RECK: variants seen among roughly 807,000 people sequenced by gnomAD.
RECK encodes the protein reversion inducing cysteine rich protein with kazal motifs.
In RECK, 69 loss-of-function variants were observed where a neutral mutation model predicts 115.1. The observed-to-expected ratio is 0.60, with a 90% confidence interval of 0.49 to 0.73. The LOEUF (loss-of-function observed/expected upper bound fraction) is 0.73. Among genes scored for constraint, RECK ranks in the 30% least tolerant of loss-of-function variants. The pLI, the probability that RECK is intolerant of heterozygous loss-of-function variation, is 0.00. For missense variants in RECK, 1,047 were observed against 1,203.7 expected, an observed-to-expected ratio of 0.87 and a Z score of 1.93; for synonymous variants, 414 against 419.7, an observed-to-expected ratio of 0.99 and a Z score of 0.17.
intron 12 of RECK, 103 bp downstream of exon 12, chr9:36,102,333 A>G (rs1005214522): frequency 2.1e-6 from 2 of 951,700 alleles, no homozygotes; most frequent in African/African-American, 1.7e-5. Flanking sequence ...TGTTGAGAAC[A>G]TGGGATTCAA....
At chr9:36,109,029 C>A (rs1823929996) in intron 14 of RECK, among the ~76,000 whole-genome samples, 1 of 151,936 alleles carries the variant, frequency 6.6e-6, no homozygotes, top group South Asian at 2.1e-4. Flanking sequence ...GTGCTCTTGG[C>A]TAAAATTAGC....
intron 6 of RECK, among the ~76,000 whole-genome samples, chr9:36,077,792 T>G (rs1014289888): frequency 2.0e-5 from 3 of 152,192 alleles, no homozygotes; most frequent in Admixed American, 6.5e-5. Flanking sequence ...GCCGTTTTCC[T>G]TTTTCTTCAG....
intron 1 of RECK, among the ~76,000 whole-genome samples, chr9:36,047,758 T>A: frequency 6.8e-6 from 1 of 147,524 alleles, no homozygotes; most frequent in African/African-American, 2.5e-5. Context: ...ACCAAATGTT[T>A]AGAACTTCAA....
intron 6 of RECK, among the ~76,000 whole-genome samples, chr9:36,069,745 A>G (rs958818718): frequency 1.3e-5 from 2 of 152,172 alleles, no homozygotes; most frequent in African/African-American, 4.8e-5. Flanking sequence ...AAAAATAAAT[A>G]GGATGGGCAG....
chr9:36,071,064 A>G (rs990366210), intron 6 of RECK, among the ~76,000 whole-genome samples: 18 of 152,120 alleles, frequency 1.2e-4, no homozygotes, highest in African/African-American at 4.1e-4. Flanking sequence ...CATAGGCACC[A>G]ACAGTCAGAA....
rs562834311 is a variant in RECK, at chr9:36,104,297, T to C, written c.1436-846T>C. Reference sequence around the variant, plus strand: ...TAGCATGTGTGTGTGTGTGTGTATATATATATATATATATATATATATATA... The same window carrying C: ...TAGCATGTGTGTGTGTGTGTGTATACATATATATATATATATATATATATA... On this transcript the variant is annotated intron_variant, in intron 12 of 20. Transcript: ENST00000377966. 3.8e-3 allele frequency among the ~76,000 whole-genome samples: 215 copies of C among 56,040 alleles called. 3 individuals are homozygous for C. The highest frequency in any genetic ancestry group is 0.021 in the African/African-American group (194 of 9,100). The allele number at this position is 56,040 out of a possible 152,430, so 36.8% of individuals were successfully genotyped here.
At chr9:36,111,490 A>G (rs978381582) in intron 15 of RECK, among the ~76,000 whole-genome samples, 9 of 152,162 alleles carry the variant, frequency 5.9e-5, no homozygotes, top group Non-Finnish European at 1.3e-4. Flanking sequence ...GCCTCCTGGG[A>G]TCAAGCAATT....
In RECK at chr9:36,110,067, C is replaced by T. The variant is rs149420244; in HGVS notation, c.1876C>T (p.Arg626Cys). The T allele has an allele frequency of 1.2e-5, 19 of 1,606,228 alleles. No individual in the cohort carries two copies. Among genetic ancestry groups the T allele is most frequent in the Admixed American group, 3.3e-5 (2 of 59,884 alleles). The change falls in exon 15 of 21, where the codon CGT (arginine) becomes TGT (cysteine). Residue 626 changes from arginine (R) to cysteine (C), a missense_variant. By Grantham distance (180) the Arg-to-Cys change is radical. Coordinates refer to ENST00000377966, the MANE Select transcript of RECK (RefSeq NM_021111.3). ...LSEHSSEDDR[R>C]TFTGLPCNCA... ...TGAGCACAGTTCAGAAGATGACCGT[C>T]GTACCTTCACAGGTGACTGTGATCG...
intron 14 of RECK, among the ~76,000 whole-genome samples, chr9:36,109,194 C>T (rs553183662): frequency 6.6e-6 from 1 of 152,228 alleles, no homozygotes; most frequent in Admixed American, 6.5e-5. Context: ...CTATTCTGTA[C>T]AAAAGAGCAT....
chr9:36,048,184 T>C (rs1188645259), intron 1 of RECK, among the ~76,000 whole-genome samples: 1 of 143,780 alleles, frequency 7.0e-6, no homozygotes, highest in Non-Finnish European at 1.5e-5. Context: ...TTTTAAACCA[T>C]TGTACCAGAT....
At chr9:36,046,016 A>C (rs1281928886) in intron 1 of RECK, among the ~76,000 whole-genome samples, 2 of 152,138 alleles carry the variant, frequency 1.3e-5, no homozygotes, top group Non-Finnish European at 2.9e-5. Flanking sequence ...AAGATACGAC[A>C]CTCATACTGA....
chr9:36,112,407 A>G lies in RECK; in HGVS notation c.1991A>G (p.His664Arg), dbSNP rs1824090498. The G allele has an allele frequency of 6.2e-7, 1 of 1,614,146 alleles. No individual in the cohort carries two copies. Among genetic ancestry groups the G allele is most frequent in the Middle Eastern group, 1.7e-4 (1 of 5,986 alleles). Residue 664 changes from histidine (H) to arginine (R), a missense_variant, in exon 16 of 21, where the codon CAT (histidine) becomes CGT (arginine). Transcript: ENST00000377966. ...GCTCGCTGTGTGGGCCTCCAAGACC[A>G]TCAGTTTGAGTTTGGATCATGCATG... is the stretch of plus-strand genomic sequence containing the variant. ...CIARCVGLQDHQFEFGSCMSK... is the reference protein window; with the variant it reads ...CIARCVGLQDRQFEFGSCMSK...
intron 1 of RECK, among the ~76,000 whole-genome samples, chr9:36,039,027 G>A (rs967731282): frequency 1.3e-5 from 2 of 152,142 alleles, no homozygotes; most frequent in African/African-American, 4.8e-5. Context: ...GTTAAAGAAA[G>A]AAACTTGTTT....
rs1198354875 is a variant in RECK at position 36,112,371 on chromosome 9, G to A, written c.1955G>A (p.Ser652Asn). The change falls in exon 16 of 21, where the codon AGT becomes AAT. Residue 652 changes from serine to asparagine, a missense_variant. Ser to Asn is a conservative substitution (Grantham distance 46). Coordinates refer to ENST00000377966, the MANE Select transcript of RECK (RefSeq NM_021111.3). ...VCGQNGRTYP[S>N]ACIARCVGLQ... is the part of the protein sequence containing the mutation. ...GGGCAGAATGGGCGCACTTACCCCA[G>A]TGCCTGCATTGCTCGCTGTGTGGGC... 6.2e-7 allele frequency: 1 copy of A among 1,613,944 alleles called. No homozygotes were observed.
intron 6 of RECK, among the ~76,000 whole-genome samples, chr9:36,068,901 G>A (rs776246106): frequency 6.6e-6 from 1 of 152,144 alleles, no homozygotes; most frequent in Non-Finnish European, 1.5e-5. Context: ...GCCCAAATTT[G>A]TATCAAGTGA....
chr9:36,089,025 A>T (rs962671812), intron 9 of RECK, among the ~76,000 whole-genome samples: 1 of 152,224 alleles, frequency 6.6e-6, no homozygotes, highest in African/African-American at 2.4e-5. Context: ...CCGTCTCAAA[A>T]TAAATTAATT....
Position 36,091,154 on chromosome 9 carries a change from C to G in RECK, c.906-10C>G, listed in dbSNP as rs781628813. ...TCATGTCGGCTTCTGCATTTGTGCT[C>G]TTGTTTCAGGGAACTCTGCACTAAA... On this transcript the variant is annotated splice_polypyrimidine_tract_variant and intron_variant, in intron 9 of 20. Coordinates refer to ENST00000377966, the MANE Select transcript of RECK (RefSeq NM_021111.3). 6.2e-7 allele frequency: 1 copy of G among 1,613,316 alleles called. No individual in the cohort carries two copies. Among genetic ancestry groups the G allele is most frequent in the Admixed American group, 1.7e-5 (1 of 59,846 alleles).
At position 36,091,204 on chromosome 9, in the gene RECK, A is replaced by C; in HGVS notation, c.946A>C (p.Thr316Pro). The change falls in exon 10 of 21, where the codon ACA becomes CCA. Residue 316 changes from threonine to proline, a missense_variant. By Grantham distance (38) the Thr-to-Pro change is conservative. Transcript: ENST00000377966. ...ACTTTACAGCATGAGCTGGGGCAATACACAGAGTTGGCAAGAGTTTGATCG... is the reference window on the plus strand; with the variant it reads ...ACTTTACAGCATGAGCTGGGGCAATCCACAGAGTTGGCAAGAGTTTGATCG... Reference protein sequence around the residue: ...TKLYSMSWGNTQSWQEFDRFC... With the variant: ...TKLYSMSWGNPQSWQEFDRFC... 6.2e-7 allele frequency: 1 copy of C among 1,614,118 alleles called. No individual in the cohort carries two copies. The highest frequency in any genetic ancestry group is 1.7e-5 in the Admixed American group (1 of 60,020).
chr9:36,056,502 C>A (rs1230402291), intron 2 of RECK, among the ~76,000 whole-genome samples: 2 of 152,038 alleles, frequency 1.3e-5, no homozygotes, highest in Non-Finnish European at 2.9e-5. Context: ...TATTCACATC[C>A]CCCTGGTGTC....
Sources: gnomAD v4.1 joint callset for allele counts (sites outside exome capture counted in the v4.1 genomes callset) on GRCh38, gnomAD v4.1.1 for gene constraint, MANE v1.5 for transcripts, NCBI Gene and HGNC (gene_info 2026-07-23, HGNC 2026-07-21) for gene names.